Variants in CTNNA2 observed in about 807,000 individuals in gnomAD.
CTNNA2 encodes catenin alpha-2.
Under a neutral mutation model 101.0 loss-of-function variants are expected in CTNNA2, and 42 were observed. That is an observed-to-expected ratio of 0.42 (90% CI 0.32 to 0.54). CTNNA2 has a LOEUF of 0.54. Ranked by LOEUF, CTNNA2 falls within the 20% of genes least tolerant of loss-of-function variation. CTNNA2 has a pLI of 0.14. For synonymous variants in CTNNA2, 450 were observed against 456.4 expected (o/e 0.99, Z 0.18); for missense variants, 871 against 1,223.1 (o/e 0.71, Z 4.29).
intron 9 of CTNNA2, among the ~76,000 whole-genome samples, chr2:80,516,389 G>T (rs959277313): frequency 5.9e-5 from 9 of 152,144 alleles, no homozygotes; most frequent in Non-Finnish European, 1.0e-4. Flanking sequence ...CCTCAGCTGG[G>T]TACCTGTGCA....
At chr2:79,220,185 T>C (rs1328148719) in intron 2 of CTNNA2, among the ~76,000 whole-genome samples, 18 of 151,414 alleles carry the variant, frequency 1.2e-4, no homozygotes, top group African/African-American at 4.4e-4. Flanking sequence ...TGTATATATA[T>C]ATGTGTGTGT....
intron 7 of CTNNA2, among the ~76,000 whole-genome samples, chr2:79,935,054 G>C (rs1302010790): frequency 6.6e-6 from 1 of 152,124 alleles, no homozygotes; most frequent in Non-Finnish European, 1.5e-5. Context: ...AGCAGAGTTA[G>C]CATTATCTCC....
At chr2:80,376,468 A>G (rs1185823978) in intron 7 of CTNNA2, among the ~76,000 whole-genome samples, 7 of 110,374 alleles carry the variant, frequency 6.3e-5, no homozygotes, top group Admixed American at 6.0e-4. Flanking sequence ...AGAAACAGGA[A>G]AAAAAAAAAA....
intron 3 of CTNNA2, among the ~76,000 whole-genome samples, chr2:79,821,884 C>T (rs2105382442): frequency 6.6e-6 from 1 of 152,210 alleles, no homozygotes; most frequent in Admixed American, 6.5e-5. Flanking sequence ...AAGCCTAGAG[C>T]TCTATTTCAC....
At chr2:80,587,390 T>C (rs1696069383) in intron 14 of CTNNA2, among the ~76,000 whole-genome samples, 1 of 152,186 alleles carries the variant, frequency 6.6e-6, no homozygotes, top group African/African-American at 2.4e-5. Flanking sequence ...GGCAAATTAA[T>C]GGCAGCAGTT....
chr2:79,760,508 C>T (rs1212009724), intron 3 of CTNNA2, among the ~76,000 whole-genome samples: 3 of 152,062 alleles, frequency 2.0e-5, no homozygotes, highest in African/African-American at 7.2e-5. Flanking sequence ...CAGCAGACCT[C>T]GGTTTTTGCT....
At chr2:80,051,677 G>A (rs1696885190) in intron 7 of CTNNA2, among the ~76,000 whole-genome samples, 1 of 152,098 alleles carries the variant, frequency 6.6e-6, no homozygotes, top group Non-Finnish European at 1.5e-5. Flanking sequence ...GAGTTGATAG[G>A]AAGAAAAGGA....
At chr2:80,567,186 G>A (rs545067237) in intron 12 of CTNNA2, among the ~76,000 whole-genome samples, 13 of 152,182 alleles carry the variant, frequency 8.5e-5, no homozygotes, top group Non-Finnish European at 1.9e-4. Context: ...CCCCCGTGTA[G>A]GGGTGAATTG....
intron 7 of CTNNA2, among the ~76,000 whole-genome samples, chr2:80,266,215 T>A (rs1316801639): frequency 6.6e-6 from 1 of 152,204 alleles, no homozygotes; most frequent in Non-Finnish European, 1.5e-5. Context: ...CCCAAACGTA[T>A]TAGAGTGCAT....
At chr2:79,880,257 T>C (rs1050677024) in intron 6 of CTNNA2, among the ~76,000 whole-genome samples, 1 of 152,084 alleles carries the variant, frequency 6.6e-6, no homozygotes, top group African/African-American at 2.4e-5. Context: ...ATGTTCCTTA[T>C]GGATATTGGC....
intron 4 of CTNNA2, among the ~76,000 whole-genome samples, chr2:79,452,172 GC>G (rs1670762941): frequency 1.3e-5 from 2 of 152,034 alleles, no homozygotes; most frequent in Non-Finnish European, 2.9e-5. Flanking sequence ...CTTTATCACT[GC>G]CCCAAAGAAG....
At chr2:80,216,609 G>C (rs1708283470) in intron 7 of CTNNA2, among the ~76,000 whole-genome samples, 1 of 152,096 alleles carries the variant, frequency 6.6e-6, no homozygotes, top group Non-Finnish European at 1.5e-5. Flanking sequence ...AGGATACTAG[G>C]AGAAGTTGGT....
intron 7 of CTNNA2, among the ~76,000 whole-genome samples, chr2:80,062,975 G>T (rs1697712761): frequency 6.6e-6 from 1 of 152,154 alleles, no homozygotes; most frequent in South Asian, 2.1e-4. Flanking sequence ...AAAGTGCTGG[G>T]ATTACAGGCG....
intron 7 of CTNNA2, among the ~76,000 whole-genome samples, chr2:79,978,455 C>CA (rs1691023906): frequency 6.6e-6 from 1 of 152,154 alleles, no homozygotes; most frequent in East Asian, 1.9e-4. Flanking sequence ...CCACGGGTAC[C>CA]ATATAATAAT....
intron 7 of CTNNA2, among the ~76,000 whole-genome samples, chr2:80,310,015 C>G (rs1677397490): frequency 6.6e-6 from 1 of 152,076 alleles, no homozygotes; most frequent in African/African-American, 2.4e-5. Flanking sequence ...GGCCTCTCCC[C>G]AGACCCATGG....
chr2:80,308,905 C>G (rs578159280), intron 7 of CTNNA2, among the ~76,000 whole-genome samples: 3 of 152,066 alleles, frequency 2.0e-5, no homozygotes, highest in African/African-American at 7.2e-5. Flanking sequence ...CATGGTGAAA[C>G]CTGTGAAACC....
At chr2:80,330,267 A>G (rs575284077) in intron 7 of CTNNA2, among the ~76,000 whole-genome samples, 10 of 152,372 alleles carry the variant, frequency 6.6e-5, no homozygotes, top group African/African-American at 2.2e-4. Context: ...AAGTGGATCT[A>G]CTTAACAGTA....
chr2:79,555,167 A>C (rs2685161), intron 1 of CTNNA2, among the ~76,000 whole-genome samples: 149,499 of 152,242 alleles, frequency 0.98, 73,425 homozygotes, highest in Middle Eastern at 1. Context: ...CATCCTTAGG[A>C]TTCCTAGGTG....
chr2:79,636,098 A>G (rs1333484224), intron 1 of CTNNA2, among the ~76,000 whole-genome samples: 4 of 101,496 alleles, frequency 3.9e-5, no homozygotes, highest in African/African-American at 3.1e-4. Context: ...CATCTCTACT[A>G]AAAATACAAA....
Sources: allele counts gnomAD v4.1 joint callset (sites outside exome capture counted in the v4.1 genomes callset), GRCh38; gene constraint gnomAD v4.1.1; transcripts MANE v1.5; gene names NCBI Gene and HGNC (gene_info 2026-07-23, HGNC 2026-07-21).